CAMK4: variants seen among roughly 807,000 people sequenced by gnomAD.
The protein encoded by CAMK4 is calcium/calmodulin-dependent protein kinase type IV.
Under a neutral mutation model 44.9 loss-of-function variants are expected in CAMK4, and 22 were observed. That is an observed-to-expected ratio of 0.49 (90% CI 0.35 to 0.70). The LOEUF is 0.70. Among genes scored for constraint, CAMK4 ranks in the 30% least tolerant of loss-of-function variants. CAMK4 has a pLI of 0.01. For synonymous variants in CAMK4, 218 were observed against 215.4 expected, an observed-to-expected ratio of 1.01 and a Z score of -0.11; for missense variants, 498 against 586.8, an observed-to-expected ratio of 0.85 and a Z score of 1.56.
chr5:111,251,519 A>C (rs1403683506), intron 1 of CAMK4, among the ~76,000 whole-genome samples: 3 of 152,238 alleles, frequency 2.0e-5, no homozygotes, highest in Non-Finnish European at 4.4e-5. Context: ...ACTGCATCAC[A>C]AAGCTGGAAG....
At chr5:111,274,861 A>G (rs890044902) in intron 1 of CAMK4, among the ~76,000 whole-genome samples, 1 of 152,104 alleles carries the variant, frequency 6.6e-6, no homozygotes, top group Non-Finnish European at 1.5e-5. Flanking sequence ...TGTCCATTTC[A>G]TTTTAAGTGT....
intron 1 of CAMK4, among the ~76,000 whole-genome samples, chr5:111,322,003 G>A (rs548029239): frequency 6.6e-6 from 1 of 152,024 alleles, no homozygotes; most frequent in Non-Finnish European, 1.5e-5. Context: ...TTAAGACTAT[G>A]GGGGAGGACT....
intron 5 of CAMK4, among the ~76,000 whole-genome samples, chr5:111,438,354 G>A (rs991170647): frequency 5.3e-5 from 8 of 152,232 alleles, no homozygotes; most frequent in South Asian, 2.1e-4. Context: ...ATGTAATTAC[G>A]TAGTATGTTT....
At chr5:111,373,439 G>C (rs901271193) in intron 2 of CAMK4, among the ~76,000 whole-genome samples, 2 of 148,718 alleles carry the variant, frequency 1.3e-5, no homozygotes, top group African/African-American at 5.0e-5. Context: ...ATATTTATAT[G>C]TTGCAACCAA....
At chr5:111,287,875 A>G (rs1484741183) in intron 1 of CAMK4, among the ~76,000 whole-genome samples, 1 of 152,206 alleles carries the variant, frequency 6.6e-6, no homozygotes, top group Non-Finnish European at 1.5e-5. Context: ...AAGCAAAACC[A>G]CCACCCAGGA....
intron 1 of CAMK4, among the ~76,000 whole-genome samples, chr5:111,322,355 C>G (rs1288912333): frequency 6.6e-6 from 1 of 151,990 alleles, no homozygotes; most frequent in Non-Finnish European, 1.5e-5. Context: ...TATTTGAGAC[C>G]TCAAAACGAT....
intron 8 of CAMK4, among the ~76,000 whole-genome samples, chr5:111,475,731 T>C (rs999358118): frequency 1.3e-5 from 2 of 152,248 alleles, no homozygotes; most frequent in Non-Finnish European, 2.9e-5. Flanking sequence ...ACGTTTTATT[T>C]ACTCTGTAGT....
chr5:111,249,807 A>G (rs1749411489), intron 1 of CAMK4, among the ~76,000 whole-genome samples: 2 of 150,668 alleles, frequency 1.3e-5, no homozygotes, highest in African/African-American at 4.8e-5. Context: ...CTTTCTCAAT[A>G]TGCTTTTATA....
Position 111,224,643 on chromosome 5 carries a change from C to A in CAMK4, c.160C>A (p.Arg54=). The A allele has an allele frequency of 6.2e-7, 1 of 1,603,766 alleles. No individual in the cohort carries two copies. The highest frequency in any genetic ancestry group is 2.3e-5 in the East Asian group (1 of 43,966). ...CTTCGAGGTGGAGTCGGAGCTGGGA[C>A]GGTAAGGCGCGGGCTCCGGCTGGGG... ...DFFEVESELG[R]GATSIVYRCK... Residue 54 remains arginine, a splice_region_variant and synonymous_variant, in exon 1 of 11, where the codon CGG becomes AGG. Transcript: ENST00000282356. The surrounding 1 kb of genome is among the most constrained non-coding windows in gnomAD (Gnocchi z 5.7).
At chr5:111,371,438 T>C (rs1751001527) in intron 2 of CAMK4, among the ~76,000 whole-genome samples, 4 of 152,210 alleles carry the variant, frequency 2.6e-5, no homozygotes, top group South Asian at 4.1e-4. Context: ...CTTCCATCTT[T>C]CACTATCTTC....
rs569245883 is a variant in CAMK4 at position 111,412,741 on chromosome 5, C to A, written c.459+17959C>A. On this transcript the variant is annotated intron_variant, in intron 5 of 10. Transcript: ENST00000282356. ...AGCTAGAACAGAGACTTGGTGGAAG[C>A]TGCTTTCCATAAGACACAGCTACCA... Among the ~76,000 whole-genome samples the A allele has an allele frequency of 1.5e-3, 232 of 152,260 alleles. 1 individual carries two copies. The highest frequency in any genetic ancestry group is 5.2e-3 in the African/African-American group (218 of 41,546).
At chr5:111,310,783 A>T (rs776147275) in intron 1 of CAMK4, among the ~76,000 whole-genome samples, 2 of 152,202 alleles carry the variant, frequency 1.3e-5, no homozygotes, top group Non-Finnish European at 2.9e-5. Context: ...ATAGTAGCAG[A>T]ACTATAATAA....
intron 1 of CAMK4, among the ~76,000 whole-genome samples, chr5:111,230,553 C>T (rs1748419233): frequency 1.4e-5 from 2 of 140,006 alleles, no homozygotes; most frequent in Admixed American, 1.5e-4. Context: ...AAAATAACTC[C>T]AGATTTTGGG....
chr5:111,332,919 G>C (rs568305298), intron 1 of CAMK4, among the ~76,000 whole-genome samples: 1 of 151,712 alleles, frequency 6.6e-6, no homozygotes, highest in African/African-American at 2.4e-5. Context: ...AAGTCATACT[G>C]AACAAGTAAA....
chr5:111,429,498 G>A (rs1753353344), intron 5 of CAMK4, among the ~76,000 whole-genome samples: 1 of 150,388 alleles, frequency 6.6e-6, no homozygotes, highest in African/African-American at 2.4e-5. Flanking sequence ...CAGGTGGAGT[G>A]GCTCACACTT....
chr5:111,383,559 C>T (rs1304339444), intron 4 of CAMK4, among the ~76,000 whole-genome samples: 1 of 151,814 alleles, frequency 6.6e-6, no homozygotes, highest in African/African-American at 2.4e-5. Context: ...TCCATGGAGG[C>T]AGTACAGTGG....
At chr5:111,387,825 T>C (rs1337515282) in intron 4 of CAMK4, among the ~76,000 whole-genome samples, 1 of 152,236 alleles carries the variant, frequency 6.6e-6, no homozygotes, top group Non-Finnish European at 1.5e-5. Context: ...CAGAAGGTTC[T>C]GGACAAACAC....
At chr5:111,460,192 A>G (rs1294487329) in intron 7 of CAMK4, among the ~76,000 whole-genome samples, 1 of 151,778 alleles carries the variant, frequency 6.6e-6, no homozygotes, top group Non-Finnish European at 1.5e-5. Context: ...AAGAATTATT[A>G]TTGATTATCA....
At chr5:111,402,090 A>T (rs1752249088) in intron 5 of CAMK4, among the ~76,000 whole-genome samples, 1 of 152,340 alleles carries the variant, frequency 6.6e-6, no homozygotes, top group African/African-American at 2.4e-5. Context: ...AGAGAGACAT[A>T]GGAATAACAA....
Sources: gnomAD v4.1 joint callset for allele counts (sites outside exome capture counted in the v4.1 genomes callset) on GRCh38, gnomAD v4.1.1 for gene constraint, Gnocchi (gnomAD v3.1) non-coding constraint, MANE v1.5 for transcripts, NCBI Gene and HGNC (gene_info 2026-07-23, HGNC 2026-07-21) for gene names.